The following DNAH5 variants were observed in gnomAD, a reference collection of about 807,000 sequenced individuals.
DNAH5 encodes the protein axonemal beta dynein heavy chain 5.
In DNAH5, 372 loss-of-function variants were observed where a neutral mutation model predicts 518.2. The ratio of observed to expected loss-of-function variants is 0.72; its 90% CI spans 0.66 to 0.78. The LOEUF is 0.78. Ranked by LOEUF, DNAH5 falls within the 30% of genes least tolerant of loss-of-function variation. DNAH5 has a pLI of 0.00. For synonymous variants in DNAH5, 2,039 were observed against 2,025.9 expected (o/e 1.01, Z -0.17); for missense variants, 5,523 against 5,687.0 (o/e 0.97, Z 0.93).
intron 1 of DNAH5, 99 bp from the exon 2 acceptor site, chr5:13,931,343 G>T: frequency 6.9e-7 from 1 of 1,459,414 alleles, no homozygotes; most frequent in East Asian, 2.3e-5. Context: ...CAAGTCTTAG[G>T]TATCCAGATA....
rs35337694 is a variant in DNAH5, at chr5:13,841,918, CAAAAAAAAAA to C, written c.5272-24_5272-15del. ...TCGATCATAGATCTATGTTAGAAACCAAAAAAAAAAAAAAAAAAAGCTATAGTCATATAAA... is the reference window on the plus strand; with the variant it reads ...TCGATCATAGATCTATGTTAGAAACCAAAAAAAAAGCTATAGTCATATAAA... On this transcript the variant is annotated splice_polypyrimidine_tract_variant and intron_variant, in intron 32 of 78. Transcript: ENST00000265104. 6.8e-6 allele frequency: 4 copies of C among 591,134 alleles called. No homozygotes were observed. The highest frequency in any genetic ancestry group is 6.6e-5 in the East Asian group (2 of 30,196). The allele number at this position is 591,134 out of a possible 1,614,324, so 36.6% of individuals were successfully genotyped here.
chr5:13,917,828 G>A (rs1776807382), intron 7 of DNAH5, among the ~76,000 whole-genome samples: 1 of 152,178 alleles, frequency 6.6e-6, no homozygotes. Context: ...GTATTGCAAG[G>A]CTCACCTCTG....
At chr5:13,696,373 C>T (rs1741397120) in intron 78 of DNAH5, among the ~76,000 whole-genome samples, 1 of 152,034 alleles carries the variant, frequency 6.6e-6, no homozygotes. Flanking sequence ...TGTGGCTTTA[C>T]CGTCTTGGTG....
In DNAH5 at chr5:13,838,354, G is replaced by A. The variant is rs1764691617; in HGVS notation, c.5882+1002C>T. On this transcript the variant is annotated intron_variant, in intron 35 of 78. Transcript: ENST00000265104. The stretch of plus-strand genomic sequence containing the variant: ...CGGGCCACACAGCAGGAGGTGGGCG[G>A]CGGGCAAGTGAGAGAAGCTTCATCT... Among the ~76,000 whole-genome samples, 2 of 152,158 alleles carry A rather than the reference G, an allele frequency of 1.3e-5. 1 individual carries two copies. The highest frequency in any genetic ancestry group is 4.1e-4 in the South Asian group (2 of 4,822).
Position 13,704,357 on chromosome 5 carries a change from A to G in DNAH5, c.13339-2921T>C, listed in dbSNP as rs537668499. 2.0e-5 allele frequency among the ~76,000 whole-genome samples: 3 copies of G among 152,324 alleles called. No homozygotes were observed. The South Asian group carries it at 6.2e-4, about 32-fold the overall frequency. On this transcript the variant is annotated intron_variant, in intron 76 of 78. Coordinates refer to ENST00000265104, the MANE Select transcript of DNAH5 (RefSeq NM_001369.3). ...CCTGCACACTCTCGCTTCACAGGGA[A>G]GTCTCTGTAGAGGAAGCTGTCTAGT... is the stretch of plus-strand genomic sequence containing the variant.
rs748304927 is a variant in DNAH5, at chr5:13,794,023, A to C, written c.7923T>G (p.Gly2641=). ...TTCCCGCAGGAGGGCCATATGTTGTACCCATTCGTTTATCCACATAGCTCT... is the reference window on the plus strand; with the variant it reads ...TTCCCGCAGGAGGGCCATATGTTGTCCCCATTCGTTTATCCACATAGCTCT... ...TIESYVDKRM[G]TTYGPPAGKK... Residue 2641 remains glycine, a synonymous_variant, in exon 48 of 79, where the codon GGT becomes GGG. Transcript: ENST00000265104. 2 of 1,614,108 alleles carry C rather than the reference A, an allele frequency of 1.2e-6. No individual in the cohort carries two copies. Among genetic ancestry groups the C allele is most frequent in the Non-Finnish European group, 1.7e-6 (2 of 1,179,990 alleles).
intron 1 of DNAH5, among the ~76,000 whole-genome samples, chr5:13,972,173 C>G (rs911834400): frequency 6.6e-6 from 1 of 152,262 alleles, no homozygotes; most frequent in East Asian, 1.9e-4. Context: ...CTACCGTGGG[C>G]CCCCAACAGC....
At chr5:13,693,004 T>G (rs1444229544) in intron 78 of DNAH5, among the ~76,000 whole-genome samples, 3 of 152,206 alleles carry the variant, frequency 2.0e-5, no homozygotes, top group Non-Finnish European at 4.4e-5. Flanking sequence ...CCTGGGAGTT[T>G]AAGCCTCATT....
In DNAH5 at chr5:13,943,738, C is replaced by A. The variant is rs1330963010; in HGVS notation, c.57+644G>T. 2.0e-5 allele frequency among the ~76,000 whole-genome samples: 3 copies of A among 152,156 alleles called. No individual in the cohort carries two copies. In the East Asian group the frequency reaches 5.8e-4, roughly 29 times the overall value. On this transcript the variant is annotated intron_variant, in intron 1 of 78. Transcript: ENST00000265104. ...GAGCTTCTGGGGATACACAAAAAGA[C>A]ACAGTGATCAAGCCCAGTAGGAAGC... is the stretch of plus-strand genomic sequence containing the variant.
chr5:13,983,565 C>A (rs182699773), intron 1 of DNAH5, among the ~76,000 whole-genome samples: 15 of 152,274 alleles, frequency 9.9e-5, no homozygotes, highest in South Asian at 6.2e-4. Flanking sequence ...GCTGCACAGG[C>A]AAGGTAGGAT....
At chr5:13,782,710 C>T (rs1450404871) in intron 52 of DNAH5, among the ~76,000 whole-genome samples, 1 of 152,208 alleles carries the variant, frequency 6.6e-6, no homozygotes, top group Non-Finnish European at 1.5e-5. Context: ...AAAACCTTTA[C>T]TTGGAACTGG....
intron 60 of DNAH5, among the ~76,000 whole-genome samples, chr5:13,761,564 G>C (rs895081820): frequency 1.4e-5 from 2 of 145,238 alleles, no homozygotes; most frequent in Admixed American, 7.0e-5. Flanking sequence ...CTGCACTCCA[G>C]CCTGGGTGAC....
chr5:13,977,579 C>CT (rs1782353951), intron 1 of DNAH5, among the ~76,000 whole-genome samples: 1 of 152,172 alleles, frequency 6.6e-6, no homozygotes, highest in African/African-American at 2.4e-5. Context: ...CCTCCTCCCT[C>CT]TTTCCTGGCT....
At chr5:13,793,453 A>T in intron 49 of DNAH5, 62 bp downstream of exon 49, 2 of 1,469,270 alleles carry the variant, frequency 1.4e-6, no homozygotes, top group Non-Finnish European at 1.9e-6. Context: ...GAAGATTTTC[A>T]AAAAGGAACC....
intron 1 of DNAH5, among the ~76,000 whole-genome samples, chr5:13,990,738 G>A (rs940240971): frequency 7.2e-5 from 11 of 151,730 alleles, no homozygotes; most frequent in Admixed American, 4.6e-4. Context: ...ATGGTGGCGC[G>A]TGGCTGTAAT....
intron 21 of DNAH5, among the ~76,000 whole-genome samples, chr5:13,881,565 T>A (rs1246292770): frequency 2.0e-5 from 3 of 152,018 alleles, no homozygotes; most frequent in Admixed American, 6.5e-5. Flanking sequence ...AATATGCTTC[T>A]GAAAAAAACT....
chr5:13,739,902 C>A (rs1399953427), intron 65 of DNAH5, among the ~76,000 whole-genome samples: 1 of 152,110 alleles, frequency 6.6e-6, no homozygotes, highest in African/African-American at 2.4e-5. Flanking sequence ...GCTGATGACT[C>A]CCAAGTTTAT....
At chr5:13,946,693 G>A (rs528193360), upstream of DNAH5, among the ~76,000 whole-genome samples, 8 of 152,330 alleles carry the variant, frequency 5.3e-5, no homozygotes, top group East Asian at 1.3e-3. Flanking sequence ...CACCCTTCCA[G>A]GCTGAAAATA....
chr5:13,900,265 G>C lies in DNAH5; in HGVS notation c.2200C>G (p.Leu734Val), dbSNP rs139180192. The change falls in exon 15 of 79, where the codon CTG (leucine) becomes GTG (valine). Residue 734 changes from leucine (L) to valine (V), a missense_variant. By Grantham distance (32) the Leu-to-Val change is conservative. This residue lies in a region of DNAH5 where 5,121 missense variants were observed against 5,223.3 expected (regional missense o/e 0.98). Transcript: ENST00000265104. Reference protein sequence around the residue: ...MAQMGLEVSPLATSLFQKRDR... With the variant: ...MAQMGLEVSPVATSLFQKRDR... Reference sequence around the variant, plus strand: ...CGTTTCTGGAAGAGGGAAGTTGCCAGTGGAGAGACTTCCAGACCCATCTGG... The same window carrying C: ...CGTTTCTGGAAGAGGGAAGTTGCCACTGGAGAGACTTCCAGACCCATCTGG... 4.6e-5 allele frequency: 74 copies of C among 1,614,168 alleles called. No individual in the cohort carries two copies. The African/African-American group carries it at 9.2e-4, about 20-fold the overall frequency.
Sources: allele counts gnomAD v4.1 joint callset (sites outside exome capture counted in the v4.1 genomes callset), GRCh38; gene constraint gnomAD v4.1.1; regional missense constraint gnomAD v4.1.1; transcripts MANE v1.5; gene names NCBI Gene and HGNC (gene_info 2026-07-23, HGNC 2026-07-21).